EPHA7: variants seen among roughly 807,000 people sequenced by gnomAD.
EPHA7 encodes the protein ephrin type-A receptor 7.
A neutral mutation model predicts 112.6 loss-of-function variants in EPHA7; 25 were observed. The observed-to-expected ratio is 0.22, with a 90% CI of 0.16 to 0.31. EPHA7 has a LOEUF of 0.31. Among genes scored for constraint, EPHA7 ranks in the 10% least tolerant of loss-of-function variants. EPHA7 has a pLI of 1.00. For missense variants in EPHA7, 962 were observed against 1,212.6 expected (o/e 0.79, Z 3.07); for synonymous variants, 437 against 406.5 (o/e 1.07, Z -0.90).
At chr6:93,348,434 A>G (rs896655552) in intron 5 of EPHA7, among the ~76,000 whole-genome samples, 1 of 151,876 alleles carries the variant, frequency 6.6e-6, no homozygotes, top group Non-Finnish European at 1.5e-5. Flanking sequence ...GTGCTTCTAC[A>G]TATTCAATGT....
chr6:93,321,333 T>C (rs1482060776), intron 5 of EPHA7, among the ~76,000 whole-genome samples: 1 of 151,924 alleles, frequency 6.6e-6, no homozygotes, highest in Non-Finnish European at 1.5e-5. Flanking sequence ...TAATATATTA[T>C]TTGTTGATTA....
chr6:93,245,437 G>A lies in EPHA7; in HGVS notation c.2743C>T (p.Leu915=). The change falls in exon 16 of 17, where the codon CTG becomes TTG. Residue 915 remains leucine, a synonymous_variant. Transcript: ENST00000369303. ...GTGAAATCAGGAGTGTTTTGATCCA[G>A]AAGAGGGCTTATTGGCCTAGATAAA... is the stretch of plus-strand genomic sequence containing the variant. ...GTCSRPISPL[L]DQNTPDFTTF... 6.2e-7 allele frequency: 1 copy of A among 1,611,784 alleles called. No homozygotes were observed. Among genetic ancestry groups the A allele is most frequent in the Non-Finnish European group, 8.5e-7 (1 of 1,179,404 alleles).
intron 5 of EPHA7, among the ~76,000 whole-genome samples, chr6:93,308,831 A>C (rs1773388060): frequency 6.6e-6 from 1 of 152,088 alleles, no homozygotes; most frequent in African/African-American, 2.4e-5. Context: ...CTTTTAGATT[A>C]GGGCTCTAAC....
At chr6:93,277,801 A>G (rs1050184133) in intron 5 of EPHA7, among the ~76,000 whole-genome samples, 2 of 151,980 alleles carry the variant, frequency 1.3e-5, no homozygotes, top group Admixed American at 6.6e-5. Flanking sequence ...TAAATTCAAG[A>G]AACAGTTACT....
At chr6:93,399,279 A>G (rs1002820181) in intron 3 of EPHA7, among the ~76,000 whole-genome samples, 4 of 152,108 alleles carry the variant, frequency 2.6e-5, no homozygotes, top group African/African-American at 4.8e-5. Flanking sequence ...ACTTAGAGGT[A>G]TATAAAAAGT....
At chr6:93,371,639 T>G (rs149177620) in intron 3 of EPHA7, among the ~76,000 whole-genome samples, 1 of 152,314 alleles carries the variant, frequency 6.6e-6, no homozygotes, top group African/African-American at 2.4e-5. Context: ...GATGATAAAG[T>G]AAATGTATAC....
chr6:93,360,689 T>C (rs1193639252), intron 3 of EPHA7, among the ~76,000 whole-genome samples: 8 of 152,126 alleles, frequency 5.3e-5, no homozygotes, highest in Admixed American at 2.6e-4. Flanking sequence ...ATCTATATGA[T>C]ACTAATGCAG....
In EPHA7 at chr6:93,258,139, G is replaced by A. The variant is rs887750307; in HGVS notation, c.2070C>T (p.Asp690=). ...CTTCCAAATGGACAACATTCGGGTG[G>A]TCAAACTGCCCCATGATGCTTGCTT... ...LCEASIMGQF[D]HPNVVHLEGV... The change falls in exon 11 of 17, where the codon GAC becomes GAT. Residue 690 remains aspartate, a synonymous_variant. Transcript: ENST00000369303. The A allele has an allele frequency of 3.1e-6, 5 of 1,613,148 alleles. No homozygotes were observed. Among genetic ancestry groups the A allele is most frequent in the Middle Eastern group, 1.6e-4 (1 of 6,076 alleles).
intron 4 of EPHA7, among the ~76,000 whole-genome samples, chr6:93,357,289 C>A (rs1447215487): frequency 6.6e-6 from 1 of 152,064 alleles, no homozygotes; most frequent in Non-Finnish European, 1.5e-5. Flanking sequence ...TTTAATACGT[C>A]AAAATGAAAA....
Position 93,378,605 on chromosome 6 carries a change from CTG to C in EPHA7, c.833-20196_833-20195del, listed in dbSNP as rs1424994486. 5.3e-5 allele frequency among the ~76,000 whole-genome samples: 8 copies of C among 152,200 alleles called. No individual in the cohort carries two copies. In the East Asian group the frequency reaches 1.4e-3, roughly 26 times the overall value. On this transcript the variant is annotated intron_variant, in intron 3 of 16. Transcript: ENST00000369303. ...ATCAAGCAGATTCCATTTTAAAACA[CTG>C]GAACTTAAAATGCAATTTGATTTAC...
At chr6:93,370,298 T>C (rs1318008602) in intron 3 of EPHA7, among the ~76,000 whole-genome samples, 1 of 152,156 alleles carries the variant, frequency 6.6e-6, no homozygotes, top group East Asian at 1.9e-4. Context: ...TGCTCTGGAT[T>C]ATTTAAGAAA....
chr6:93,408,056 A>C (rs1172006029), intron 3 of EPHA7, among the ~76,000 whole-genome samples: 1 of 152,062 alleles, frequency 6.6e-6, no homozygotes, highest in Non-Finnish European at 1.5e-5. Context: ...TACAAAGTGA[A>C]ACAACTGCCA....
At chr6:93,367,438 T>C (rs186500401) in intron 3 of EPHA7, among the ~76,000 whole-genome samples, 4 of 152,286 alleles carry the variant, frequency 2.6e-5, no homozygotes, top group African/African-American at 9.6e-5. Flanking sequence ...ATATGAGTGA[T>C]AATTCCCCTT....
chr6:93,346,552 TA>T (rs1775415055), intron 5 of EPHA7, among the ~76,000 whole-genome samples: 1 of 151,806 alleles, frequency 6.6e-6, no homozygotes, highest in Non-Finnish European at 1.5e-5. Context: ...CTTGGCAGGG[TA>T]TTACTAAAAT....
At chr6:93,336,623 G>C (rs565020812) in intron 5 of EPHA7, among the ~76,000 whole-genome samples, 114 of 152,062 alleles carry the variant, frequency 7.5e-4, no homozygotes, top group African/African-American at 2.6e-3. Context: ...GGATGGTCTT[G>C]ATCTCCTGAC....
chr6:93,315,522 T>G (rs1302783937), intron 5 of EPHA7, among the ~76,000 whole-genome samples: 2 of 152,216 alleles, frequency 1.3e-5, no homozygotes, highest in Non-Finnish European at 2.9e-5. Flanking sequence ...TCCCCCTTCA[T>G]ATAACAGCTT....
chr6:93,357,068 A>G lies in EPHA7; in HGVS notation c.989-16T>C. 6.4e-7 allele frequency: 1 copy of G among 1,561,902 alleles called. No homozygotes were observed. Among genetic ancestry groups the G allele is most frequent in the Non-Finnish European group, 8.7e-7 (1 of 1,154,470 alleles). ...GATGGAGGCCCTTGGGAAACCAAGAATAAATAAGTAAATAAGCAAAAATAG... is the reference window on the plus strand; with the variant it reads ...GATGGAGGCCCTTGGGAAACCAAGAGTAAATAAGTAAATAAGCAAAAATAG... On this transcript the variant is annotated splice_polypyrimidine_tract_variant and intron_variant, in intron 4 of 16. Coordinates refer to ENST00000369303, the MANE Select transcript of EPHA7 (RefSeq NM_004440.4).
chr6:93,248,107 C>A (rs1211280898), intron 14 of EPHA7, among the ~76,000 whole-genome samples: 1 of 94,610 alleles, frequency 1.1e-5, no homozygotes, highest in African/African-American at 3.4e-5. Context: ...AAAAAATGAC[C>A]CTCTGAGGAA....
At chr6:93,415,429 T>G (rs541184693) in intron 1 of EPHA7, among the ~76,000 whole-genome samples, 3 of 152,024 alleles carry the variant, frequency 2.0e-5, no homozygotes. Context: ...CTCAAAATGG[T>G]ATCAACTCTG....
Sources: gnomAD v4.1 joint callset for allele counts (sites outside exome capture counted in the v4.1 genomes callset) on GRCh38, gnomAD v4.1.1 for gene constraint, MANE v1.5 for transcripts, NCBI Gene and HGNC (gene_info 2026-07-23, HGNC 2026-07-21) for gene names.